The following LHFPL3 variants were observed in gnomAD, a reference collection of about 807,000 sequenced individuals.
LHFPL3 encodes the protein LHFPL tetraspan subfamily member 3, also known as LHFPL tetraspan subfamily member 3 protein.
In LHFPL3, 5 loss-of-function variants were observed where a neutral mutation model predicts 19.3. The observed-to-expected ratio is 0.26, with a 90% CI of 0.14 to 0.54. The LOEUF (loss-of-function observed/expected upper bound fraction) is 0.54. Among genes scored for constraint, LHFPL3 ranks in the 20% least tolerant of loss-of-function variants. The pLI is 0.94. For missense variants in LHFPL3, 249 were observed against 307.4 expected (o/e 0.81, Z 1.42); for synonymous variants, 133 against 126.2 (o/e 1.05, Z -0.36).
intron 1 of LHFPL3, among the ~76,000 whole-genome samples, chr7:104,512,141 G>T (rs886792381): frequency 1.3e-5 from 2 of 151,618 alleles, no homozygotes; most frequent in East Asian, 3.9e-4. Context: ...TTTTACTAGA[G>T]ACAGGGTTTC....
intron 1 of LHFPL3, among the ~76,000 whole-genome samples, chr7:104,577,141 A>C (rs1048656203): frequency 6.6e-6 from 1 of 152,224 alleles, no homozygotes; most frequent in Non-Finnish European, 1.5e-5. Context: ...ACTGAACATC[A>C]AACATAAATC....
At chr7:104,427,032 T>C (rs1229958033) in intron 1 of LHFPL3, among the ~76,000 whole-genome samples, 2 of 152,224 alleles carry the variant, frequency 1.3e-5, no homozygotes, top group Non-Finnish European at 2.9e-5. Context: ...TAGAGTTCTG[T>C]ACCTGTTGCA....
At chr7:104,546,532 A>C (rs751188639) in intron 1 of LHFPL3, among the ~76,000 whole-genome samples, 2 of 152,226 alleles carry the variant, frequency 1.3e-5, no homozygotes, top group Non-Finnish European at 2.9e-5. Flanking sequence ...CTTGGGATGA[A>C]AACTGCTCTC....
rs186914278 is a variant in LHFPL3, at chr7:104,734,529, C to A, written c.446-2146C>A. 1.5e-4 allele frequency among the ~76,000 whole-genome samples: 23 copies of A among 152,330 alleles called. No homozygotes were observed. In the East Asian group the frequency reaches 4.4e-3, roughly 29 times the overall value. On this transcript the variant is annotated intron_variant, in intron 1 of 2. Transcript: ENST00000424859. ...ATTGAATCAGCTACTGAAGCTTGTG[C>A]ATTCGTCACATAGTTCTTGTGCCTT...
chr7:104,621,992 A>G (rs1428392871), intron 1 of LHFPL3, among the ~76,000 whole-genome samples: 1 of 152,226 alleles, frequency 6.6e-6, no homozygotes, highest in Non-Finnish European at 1.5e-5. Context: ...ATGTGTTTAT[A>G]ATTAATTAAA....
At chr7:104,810,204 T>C (rs1184831585) in intron 2 of LHFPL3, among the ~76,000 whole-genome samples, 4 of 152,102 alleles carry the variant, frequency 2.6e-5, no homozygotes, top group Non-Finnish European at 5.9e-5. Flanking sequence ...GTGCCAAAGG[T>C]AGTAGCCAGA....
chr7:104,552,726 A>G (rs1221610318), intron 1 of LHFPL3, among the ~76,000 whole-genome samples: 3 of 152,234 alleles, frequency 2.0e-5, no homozygotes, highest in Non-Finnish European at 4.4e-5. Flanking sequence ...TGTAAATTTT[A>G]TAATGGAAAT....
At chr7:104,665,745 T>A (rs775816350) in intron 1 of LHFPL3, among the ~76,000 whole-genome samples, 1 of 152,252 alleles carries the variant, frequency 6.6e-6, no homozygotes, top group Non-Finnish European at 1.5e-5. Context: ...AGATGACCTA[T>A]CTCTAATGGA....
At chr7:104,430,431 T>TAC (rs1562895258) in intron 1 of LHFPL3, among the ~76,000 whole-genome samples, 11 of 12,408 alleles carry the variant, frequency 8.9e-4, no homozygotes, top group African/African-American at 2.4e-3. Flanking sequence ...TATATATATA[T>TAC]ATATATATAT....
At chr7:104,768,448 C>T (rs1461884988) in intron 2 of LHFPL3, among the ~76,000 whole-genome samples, 5 of 152,112 alleles carry the variant, frequency 3.3e-5, no homozygotes, top group Non-Finnish European at 5.9e-5. Context: ...TGGGCTTGAG[C>T]CTGCCCTGTC....
At chr7:104,905,576 TAAATAA>T (rs1792580948) in intron 2 of LHFPL3, among the ~76,000 whole-genome samples, 2 of 151,934 alleles carry the variant, frequency 1.3e-5, no homozygotes, top group African/African-American at 4.8e-5. Flanking sequence ...ATTAAGTAAA[TAAATAA>T]ATAAAAGAAA....
At chr7:104,688,810 G>T (rs1792852318) in intron 1 of LHFPL3, among the ~76,000 whole-genome samples, 2 of 152,166 alleles carry the variant, frequency 1.3e-5, no homozygotes, top group African/African-American at 4.8e-5. Flanking sequence ...CACTCCAAAA[G>T]AACTGCTTGA....
chr7:104,722,680 T>C (rs559949921), intron 1 of LHFPL3, among the ~76,000 whole-genome samples: 22 of 152,316 alleles, frequency 1.4e-4, no homozygotes, highest in Middle Eastern at 3.4e-3. Flanking sequence ...TCTATCTCTT[T>C]TACCAGGTGT....
At chr7:104,888,398 C>G (rs1792189659) in intron 2 of LHFPL3, among the ~76,000 whole-genome samples, 1 of 152,138 alleles carries the variant, frequency 6.6e-6, no homozygotes, top group South Asian at 2.1e-4. Context: ...GGTGTTGTGG[C>G]ACATGCCTGT....
At chr7:104,594,073 T>C (rs1790788413) in intron 1 of LHFPL3, among the ~76,000 whole-genome samples, 1 of 152,232 alleles carries the variant, frequency 6.6e-6, no homozygotes, top group Non-Finnish European at 1.5e-5. Context: ...TTTGATCCTG[T>C]CATTATGATG....
intron 2 of LHFPL3, among the ~76,000 whole-genome samples, chr7:104,780,199 G>C (rs1279218069): frequency 6.6e-6 from 1 of 152,146 alleles, no homozygotes; most frequent in African/African-American, 2.4e-5. Context: ...CTTCCCACTT[G>C]TGAGTGAGGT....
intron 2 of LHFPL3, chr7:104,785,786 C>T (rs1370536225): frequency 1.3e-5 from 2 of 152,210 alleles, no homozygotes; most frequent in Admixed American, 1.3e-4. Context: ...ATTTTTCTTT[C>T]TGAAGGGAAA....
At chr7:104,609,090 C>A (rs372321546) in intron 1 of LHFPL3, among the ~76,000 whole-genome samples, 36 of 151,994 alleles carry the variant, frequency 2.4e-4, no homozygotes, top group African/African-American at 8.0e-4. Flanking sequence ...CATGGTGAAA[C>A]CCTGTATCTA....
chr7:104,466,363 AT>A (rs1943786337), intron 1 of LHFPL3, among the ~76,000 whole-genome samples: 1 of 152,196 alleles, frequency 6.6e-6, no homozygotes, highest in Non-Finnish European at 1.5e-5. Context: ...CTCATCATGT[AT>A]TTTTAGGCAA....
Sources: allele counts gnomAD v4.1 joint callset (sites outside exome capture counted in the v4.1 genomes callset), GRCh38; gene constraint gnomAD v4.1.1; transcripts MANE v1.5; gene names NCBI Gene and HGNC (gene_info 2026-07-23, HGNC 2026-07-21).